Variants in GRTP1 observed in about 807,000 individuals in gnomAD.
The protein encoded by GRTP1 is growth hormone regulated TBC protein 1.
GRTP1 carries 56 observed loss-of-function variants against 38.1 expected under a neutral mutation model. That is an observed-to-expected ratio of 1.47 (90% CI 1.19 to 1.84). The LOEUF is 1.84. Ranked by LOEUF, GRTP1 falls within the 40% of genes most tolerant of loss-of-function variation. GRTP1 has a pLI of 0.00. For missense variants in GRTP1, 506 were observed against 453.9 expected (o/e 1.11, Z -1.04); for synonymous variants, 217 against 189.5 (o/e 1.14, Z -1.19).
In GRTP1 at chr13:113,355,398, CCATCTG is replaced by C; in HGVS notation, c.259_264del (p.Gln87_Met88del). On this transcript the variant is annotated inframe_deletion, in exon 3 of 8. Transcript: ENST00000375431. ...TGGTGGTAGTAGCCGGGATTCTGGT[CCATCTG>C]CGCCTGGGCCCCACTCAGCACCATC... is the stretch of plus-strand genomic sequence containing the variant. 7 of 1,614,126 alleles carry C rather than the reference CCATCTG, an allele frequency of 4.3e-6. No homozygotes were observed. The highest frequency in any genetic ancestry group is 5.9e-6 in the Non-Finnish European group (7 of 1,180,006).
At chr13:113,353,845 G>A (rs1053269526) in intron 3 of GRTP1, among the ~76,000 whole-genome samples, 5 of 152,170 alleles carry the variant, frequency 3.3e-5, no homozygotes, top group African/African-American at 9.7e-5. Context: ...GAAGGAGGGC[G>A]AATCCTCAGA....
intron 3 of GRTP1, among the ~76,000 whole-genome samples, chr13:113,352,550 T>C (rs2043306619): frequency 6.6e-6 from 1 of 151,440 alleles, no homozygotes; most frequent in Non-Finnish European, 1.5e-5. Flanking sequence ...AATTTACGTA[T>C]TGTTTTGTAA....
At chr13:113,340,508 G>A (rs1238035147) in intron 5 of GRTP1, among the ~76,000 whole-genome samples, 2 of 146,096 alleles carry the variant, frequency 1.4e-5, no homozygotes, top group African/African-American at 5.4e-5. Context: ...GCCAGGCGCT[G>A]TAGTTCACGC....
At chr13:113,354,756 A>T (rs923000574) in intron 3 of GRTP1, among the ~76,000 whole-genome samples, 1 of 151,992 alleles carries the variant, frequency 6.6e-6, no homozygotes, top group African/African-American at 2.4e-5. Flanking sequence ...CGAACTCCTG[A>T]CCTCAGGTGA....
chr13:113,361,711 G>T (rs1281435951), intron 2 of GRTP1: 1 of 152,168 alleles, frequency 6.6e-6, no homozygotes, highest in Non-Finnish European at 1.5e-5. Flanking sequence ...AGGAGATGGG[G>T]GCCATGGGTG....
At position 113,349,199 on chromosome 13, in the gene GRTP1, G is replaced by GT. The variant is rs2043219508; in HGVS notation, c.465+1649dup. Among the ~76,000 whole-genome samples, 1 of 151,208 alleles carries GT rather than the reference G, an allele frequency of 6.6e-6. No individual in the cohort carries two copies. Among genetic ancestry groups the GT allele is most frequent in the Non-Finnish European group, 1.5e-5 (1 of 67,780 alleles). Reference sequence around the variant, plus strand: ...GGTGTTTTTTTTTGTTTGTTTCTCGGTTTTTTTCAGACAGGGTCTTGCTCT... The same window carrying GT: ...GGTGTTTTTTTTTGTTTGTTTCTCGGTTTTTTTTCAGACAGGGTCTTGCTCT... On this transcript the variant is annotated intron_variant, in intron 4 of 7. Transcript: ENST00000375431. The surrounding 1 kb of genome is among the most constrained non-coding windows in gnomAD (Gnocchi z 5.0).
intron 2 of GRTP1, among the ~76,000 whole-genome samples, chr13:113,359,317 C>A (rs767165248): frequency 5.9e-5 from 9 of 152,296 alleles, no homozygotes; most frequent in Middle Eastern, 3.4e-3. Flanking sequence ...ATTCACAGAA[C>A]CATATACTGT....
At chr13:113,333,646 A>G (rs2139416812) in intron 5 of GRTP1, among the ~76,000 whole-genome samples, 1 of 152,062 alleles carries the variant, frequency 6.6e-6, no homozygotes, top group East Asian at 1.9e-4. Flanking sequence ...CTGGGATTAC[A>G]GGTGTGCACC....
intron 5 of GRTP1, among the ~76,000 whole-genome samples, chr13:113,336,395 T>A (rs956179325): frequency 6.6e-6 from 1 of 151,868 alleles, no homozygotes; most frequent in African/African-American, 2.4e-5. Context: ...GGTGTAAGAT[T>A]CAGTCCCAAG....
At position 113,348,284 on chromosome 13, in the gene GRTP1, CT is replaced by C. The variant is rs1487118371; in HGVS notation, c.465+2564del. Among the ~76,000 whole-genome samples the C allele has an allele frequency of 6.6e-6, 1 of 152,094 alleles. No homozygotes were observed. The highest frequency in any genetic ancestry group is 1.5e-5 in the Non-Finnish European group (1 of 68,022). ...CTGGGCAATGTGGCAAAACCCCGATCTCTACAAAACATACAAAAATTACTCG... is the reference window on the plus strand; with the variant it reads ...CTGGGCAATGTGGCAAAACCCCGATCCTACAAAACATACAAAAATTACTCG... On this transcript the variant is annotated intron_variant, in intron 4 of 7. Transcript: ENST00000375431. The surrounding 1 kb of genome is among the most constrained non-coding windows in gnomAD (Gnocchi z 4.8).
At chr13:113,355,269 C>A (rs2139519521) in intron 3 of GRTP1, 54 bp downstream of exon 3, 1 of 1,585,438 alleles carries the variant, frequency 6.3e-7, no homozygotes. Context: ...GGGTGGAAAC[C>A]GGTTCCTTCC....
At chr13:113,334,907 C>T (rs1431996556) in intron 5 of GRTP1, among the ~76,000 whole-genome samples, 1 of 152,168 alleles carries the variant, frequency 6.6e-6, no homozygotes, top group East Asian at 1.9e-4. Context: ...ACTGCAAGCT[C>T]CGCCTCCCGG....
At chr13:113,354,429 A>T (rs4907616) in intron 3 of GRTP1, among the ~76,000 whole-genome samples, 86,541 of 152,100 alleles carry the variant, frequency 0.57, 25,256 homozygotes, top group Non-Finnish European at 0.63. Context: ...TGGGTTTTTT[A>T]AAATTAAGTA....
At chr13:113,326,117 C>T in intron 5 of GRTP1, 26 bp from the exon 6 acceptor site, 2 of 1,601,100 alleles carry the variant, frequency 1.2e-6, no homozygotes, top group Non-Finnish European at 1.7e-6. Flanking sequence ...GAGAAAAGAC[C>T]CCGAGACACT....
chr13:113,355,754 G>A (rs2043374417), intron 2 of GRTP1: 2 of 271,748 alleles, frequency 7.4e-6, no homozygotes, highest in African/African-American at 2.2e-5. Flanking sequence ...AAACAGAGCC[G>A]CGGTCAGATG....
chr13:113,324,491 C>T lies in GRTP1; in HGVS notation c.1008G>A (p.Gly336=), dbSNP rs1423124058. Residue 336 remains glycine (G), a synonymous_variant, in exon 8 of 8, where the codon GGG becomes GGA. Transcript: ENST00000375431. The part of the protein sequence containing the change: ...ESCRARLLAQ[G] ...GCAACGCAGGGGACAGGCACGCTCA[C>T]CCCTGTGCCAGCAGCCGGGCCCTGC... is the stretch of plus-strand genomic sequence containing the variant. The T allele has an allele frequency of 3.1e-6, 5 of 1,608,332 alleles. No homozygotes were observed. The highest frequency in any genetic ancestry group is 4.2e-6 in the Non-Finnish European group (5 of 1,177,706).
rs565216269 is a variant in GRTP1, at chr13:113,335,895, C to T, written c.562+8968G>A. Among the ~76,000 whole-genome samples, 123 of 152,124 alleles carry T rather than the reference C, an allele frequency of 8.1e-4. 1 individual carries two copies. Among genetic ancestry groups the T allele is most frequent in the African/African-American group, 2.7e-3 (112 of 41,496 alleles). Reference sequence around the variant, plus strand: ...GCAGCCTCAACCTCCTAGGTTCAAGCGATTCTCCTGCCTCAGCCTCCTGAG... The same window carrying T: ...GCAGCCTCAACCTCCTAGGTTCAAGTGATTCTCCTGCCTCAGCCTCCTGAG... On this transcript the variant is annotated intron_variant, in intron 5 of 7. Transcript: ENST00000375431.
Position 113,355,476 on chromosome 13 carries a change from G to A in GRTP1, c.187C>T (p.Arg63Cys). 4.4e-6 allele frequency: 7 copies of A among 1,608,730 alleles called. No homozygotes were observed. The highest frequency in any genetic ancestry group is 6.0e-6 in the Non-Finnish European group (7 of 1,176,302). Residue 63 changes from arginine (R) to cysteine (C), a missense_variant, in exon 3 of 8, where the codon CGC becomes TGC. Physicochemically the swap from Arg to Cys is radical, Grantham distance 180. Transcript: ENST00000375431. ...GGVPRSRTVK[R>C]YVRKGVPLEH... Reference sequence around the variant, plus strand: ...AGCGGGACCCCTTTCCGGACATAGCGCTTCACTGAAGGCCGAGAGGACGGA... The same window carrying A: ...AGCGGGACCCCTTTCCGGACATAGCACTTCACTGAAGGCCGAGAGGACGGA...
intron 7 of GRTP1, chr13:113,325,377 G>A: frequency 7.0e-6 from 10 of 1,428,566 alleles, no homozygotes; most frequent in Non-Finnish European, 8.2e-6. Flanking sequence ...CCGGGCCTCG[G>A]GAAGCCACAC....
Sources: gnomAD v4.1 joint callset for allele counts (sites outside exome capture counted in the v4.1 genomes callset) on GRCh38, gnomAD v4.1.1 for gene constraint, Gnocchi (gnomAD v3.1) non-coding constraint, MANE v1.5 for transcripts, NCBI Gene and HGNC (gene_info 2026-07-23, HGNC 2026-07-21) for gene names.